SLC38A11: variants seen among roughly 807,000 people sequenced by gnomAD.
SLC38A11 encodes the protein solute carrier family 38 member 11.
In SLC38A11, 51 loss-of-function variants were observed where a neutral mutation model predicts 49.4. The ratio of observed to expected loss-of-function variants is 1.03; its 90% confidence interval spans 0.83 to 1.30. The LOEUF is 1.30. Among genes scored for constraint, SLC38A11 ranks in the 50% most tolerant of loss-of-function variants. The pLI is 0.00. For missense variants in SLC38A11, 574 were observed against 556.2 expected (o/e 1.03, Z -0.32); for synonymous variants, 203 against 192.9 (o/e 1.05, Z -0.43).
intron 10 of SLC38A11, 70 bp downstream of exon 10, chr2:164,911,566 A>G: frequency 1.3e-6 from 1 of 745,572 alleles, no homozygotes; most frequent in South Asian, 2.9e-5. Context: ...TGTATTATTT[A>G]TAAATCTTCC....
In SLC38A11 at chr2:164,945,678, A is replaced by G; in HGVS notation, c.279T>C (p.Asp93=). ...LIKGGALSGT[D]TYQSLVNKTF... ...TTTTATTGACCAAAGACTGGTAGGT[A>G]TCTGTTCCAGAGAGGGCCCCTCCTT... The change falls in exon 4 of 12, where the codon GAT becomes GAC. Residue 93 remains aspartate (D), a synonymous_variant. Coordinates refer to ENST00000685975, the MANE Select transcript of SLC38A11 (RefSeq NM_001351537.2). 1 of 1,612,170 alleles carries G rather than the reference A, an allele frequency of 6.2e-7. No individual in the cohort carries two copies. The highest frequency in any genetic ancestry group is 8.5e-7 in the Non-Finnish European group (1 of 1,179,664).
At chr2:164,951,267 A>G (rs1260659231) in intron 3 of SLC38A11, among the ~76,000 whole-genome samples, 1 of 147,246 alleles carries the variant, frequency 6.8e-6, no homozygotes, top group Non-Finnish European at 1.5e-5. Flanking sequence ...ATGCACTTAA[A>G]TAAACCATAG....
In SLC38A11 at chr2:164,897,156, C is replaced by T. The variant is rs968908943; in HGVS notation, c.*1281G>A. ...CTCATTAAAAAATCATTTAAAAATC[C>T]TCAGTAAACCGAGGGCATCTGTGGT... On this transcript the variant is annotated 3_prime_UTR_variant, in exon 12 of 12. Transcript: ENST00000685975. 15 of 152,188 alleles carry T rather than the reference C, an allele frequency of 9.9e-5. No homozygotes were observed. Among genetic ancestry groups the T allele is most frequent in the Admixed American group, 2.0e-4 (3 of 15,268 alleles). The allele number at this position is 152,188 out of a possible 1,614,324, so 9.4% of individuals were successfully genotyped here.
chr2:164,932,525 G>A (rs958012827), intron 7 of SLC38A11, among the ~76,000 whole-genome samples: 18 of 152,260 alleles, frequency 1.2e-4, no homozygotes, highest in Admixed American at 8.5e-4. Flanking sequence ...TAAAGAAAAT[G>A]TGGTACATGT....
At chr2:164,938,056 G>C (rs1365761771) in intron 6 of SLC38A11, among the ~76,000 whole-genome samples, 1 of 151,806 alleles carries the variant, frequency 6.6e-6, no homozygotes, top group Admixed American at 6.6e-5. Context: ...GTCTGTGCCC[G>C]GTGCACCCAT....
chr2:164,943,238 G>A (rs1321342621), intron 5 of SLC38A11, among the ~76,000 whole-genome samples: 1 of 152,182 alleles, frequency 6.6e-6, no homozygotes, highest in East Asian at 1.9e-4. Flanking sequence ...ATGACATAGT[G>A]AAAAGTTGAA....
Position 164,939,437 on chromosome 2 carries a change from A to G in SLC38A11, c.537+13T>C. ...AGGTACATTTCTATGCCCATTTAAA[A>G]TGTAAAAATTACCTTTCCAAGCTTT... On this transcript the variant is annotated intron_variant, in intron 6 of 11. Transcript: ENST00000685975. The G allele has an allele frequency of 6.4e-7, 1 of 1,567,106 alleles. No homozygotes were observed. The highest frequency in any genetic ancestry group is 1.1e-5 in the South Asian group (1 of 88,422).
At chr2:164,952,531 G>A (rs1347717743) in intron 3 of SLC38A11, among the ~76,000 whole-genome samples, 176 bp downstream of exon 3, 1 of 152,128 alleles carries the variant, frequency 6.6e-6, no homozygotes, top group Non-Finnish European at 1.5e-5. Flanking sequence ...CTGTTTAAAG[G>A]ATTAGTAAGA....
intron 7 of SLC38A11, among the ~76,000 whole-genome samples, chr2:164,916,800 TA>T (rs1157378008): frequency 6.6e-6 from 1 of 152,154 alleles, no homozygotes; most frequent in African/African-American, 2.4e-5. Context: ...TCTACCTGGC[TA>T]ACACATCATG....
intron 10 of SLC38A11, among the ~76,000 whole-genome samples, chr2:164,911,021 GTTA>G (rs1476773169): frequency 6.6e-6 from 1 of 151,448 alleles, no homozygotes; most frequent in Non-Finnish European, 1.5e-5. Flanking sequence ...CTATATATTT[GTTA>G]TTATTTATAT....
At chr2:164,913,028 T>C (rs1685507029) in intron 9 of SLC38A11, among the ~76,000 whole-genome samples, 1 of 152,034 alleles carries the variant, frequency 6.6e-6, no homozygotes, top group South Asian at 2.1e-4. Flanking sequence ...AAATTAAATT[T>C]TTTTAAGATC....
At chr2:164,952,803 C>T (rs751755324) in intron 2 of SLC38A11, 22 bp from the exon 3 acceptor site, 2 of 1,564,884 alleles carry the variant, frequency 1.3e-6, no homozygotes, top group Admixed American at 2.0e-5. Flanking sequence ...TAAAATGCCC[C>T]ACCCTTCACA....
At chr2:164,917,741 A>G (rs1194243522) in intron 7 of SLC38A11, among the ~76,000 whole-genome samples, 1 of 152,068 alleles carries the variant, frequency 6.6e-6, no homozygotes, top group Non-Finnish European at 1.5e-5. Context: ...CCTAGTACAG[A>G]TTGTGGTGGT....
chr2:164,898,528 A>G lies in SLC38A11; in HGVS notation c.1298T>C (p.Phe433Ser). 5 of 1,613,608 alleles carry G rather than the reference A, an allele frequency of 3.1e-6. No individual in the cohort carries two copies. Among genetic ancestry groups the G allele is most frequent in the Non-Finnish European group, 4.2e-6 (5 of 1,179,710 alleles). The part of the protein sequence containing the change: ...CTHGQEMFYC[F>S]PDNFSLTNTS... ...ATTTGTGAGAGAGAAATTGTCAGGAAAGCAGTAGAACATTTCCTGCCCATG... is the reference window on the plus strand; with the variant it reads ...ATTTGTGAGAGAGAAATTGTCAGGAGAGCAGTAGAACATTTCCTGCCCATG... Residue 433 changes from phenylalanine (F) to serine (S), a missense_variant, in exon 12 of 12, where the codon TTT (phenylalanine) becomes TCT (serine). Physicochemically the swap from Phe to Ser is radical, Grantham distance 155. Coordinates refer to ENST00000685975, the MANE Select transcript of SLC38A11 (RefSeq NM_001351537.2).
intron 7 of SLC38A11, among the ~76,000 whole-genome samples, chr2:164,921,555 C>T (rs1029431368): frequency 4.6e-5 from 7 of 151,634 alleles, no homozygotes; most frequent in Non-Finnish European, 8.8e-5. Flanking sequence ...GGTCTTGAAC[C>T]ACTGGTCTAA....
chr2:164,929,997 A>C (rs1336346579), intron 7 of SLC38A11, among the ~76,000 whole-genome samples: 3 of 152,032 alleles, frequency 2.0e-5, no homozygotes, highest in African/African-American at 7.2e-5. Flanking sequence ...TCAAAAATAG[A>C]TAGCCAGCTA....
At chr2:164,914,450 T>A (rs1259154271) in intron 9 of SLC38A11, among the ~76,000 whole-genome samples, 1 of 151,978 alleles carries the variant, frequency 6.6e-6, no homozygotes, top group Non-Finnish European at 1.5e-5. Context: ...TGATGTTTTG[T>A]GATTAAGACA....
Position 164,954,631 on chromosome 2 carries a change from CT to C in SLC38A11, c.153del (p.Ile51MetfsTer7). The C allele has an allele frequency of 6.8e-7, 1 of 1,470,456 alleles. No homozygotes were observed. The highest frequency in any genetic ancestry group is 2.1e-5 in the Admixed American group (1 of 46,942). The allele number at this position is 1,470,456 out of a possible 1,614,324, so 91.1% of individuals were successfully genotyped here. On this transcript the variant is annotated frameshift_variant and splice_region_variant, in exon 2 of 12. Transcript: ENST00000685975. LOFTEE classifies it high-confidence loss of function. Reference sequence around the variant, plus strand: ...TTTAAACCAAAGCAAATACACTTACCTATTATACCAGATCCTATAATCGAGT... The same window carrying C: ...TTTAAACCAAAGCAAATACACTTACCATTATACCAGATCCTATAATCGAGT... ...VVNSIIGSGI[I>X]GLPYSMKQAG... is the part of the protein sequence containing the mutation.
At chr2:164,904,167 A>G (rs1455991593) in intron 11 of SLC38A11, among the ~76,000 whole-genome samples, 2 of 152,268 alleles carry the variant, frequency 1.3e-5, no homozygotes, top group South Asian at 4.2e-4. Context: ...TGAGCTGGTT[A>G]TGCTGGCACA....
Sources: gnomAD v4.1 joint callset for allele counts (sites outside exome capture counted in the v4.1 genomes callset) on GRCh38, gnomAD v4.1.1 for gene constraint, MANE v1.5 for transcripts, NCBI Gene and HGNC (gene_info 2026-07-23, HGNC 2026-07-21) for gene names.